The following IQCN variants were observed in gnomAD, a reference collection of about 807,000 sequenced individuals.
IQCN encodes the protein IQ motif containing N, also known as IQ domain-containing protein N.
A neutral mutation model predicts 64.4 loss-of-function variants in IQCN; 46 were observed. The observed-to-expected ratio is 0.71, with a 90% CI of 0.56 to 0.91. IQCN has a LOEUF of 0.91. Ranked by LOEUF, IQCN falls within the 40% of genes least tolerant of loss-of-function variation. The pLI is 0.00. For missense variants in IQCN, 1,753 were observed against 1,857.4 expected (o/e 0.94, Z 1.03); for synonymous variants, 733 against 775.6 (o/e 0.95, Z 0.91).
rs759644560 is a variant in IQCN at position 18,264,997 on chromosome 19, G to C, written c.2543C>G (p.Ser848Cys). 1.2e-6 allele frequency: 2 copies of C among 1,605,826 alleles called. No individual in the cohort carries two copies. Among genetic ancestry groups the C allele is most frequent in the Non-Finnish European group, 1.7e-6 (2 of 1,179,854 alleles). Residue 848 changes from serine to cysteine, a missense_variant, in exon 3 of 4, where the codon TCC becomes TGC. Coordinates refer to ENST00000392413, the MANE Select transcript of IQCN (RefSeq NM_001145304.2). This position sits in a 1 kb window ranked among gnomAD's most constrained non-coding sequence, Gnocchi z 4.3. ...ACGTGTGGCTCCGTTGTCTCCCCAGGACTCAACGTTGCATGTGGAATGGCC... is the reference window on the plus strand; with the variant it reads ...ACGTGTGGCTCCGTTGTCTCCCCAGCACTCAACGTTGCATGTGGAATGGCC... ...PTGHSTCNVE[S>C]WGDNGATRAQ...
chr19:18,263,587 G>A (rs1380639899), intron 3 of IQCN, among the ~76,000 whole-genome samples: 1 of 152,126 alleles, frequency 6.6e-6, no homozygotes, highest in Non-Finnish European at 1.5e-5. Flanking sequence ...AAGGGACTTG[G>A]GGCCCCCTTG....
intron 1 of IQCN, among the ~76,000 whole-genome samples, chr19:18,271,052 ATCCCAGCTACT>A (rs1789929002): frequency 1.3e-5 from 2 of 150,900 alleles, no homozygotes; most frequent in African/African-American, 4.9e-5. Flanking sequence ...TGCACCTGTA[ATCCCAGCTACT>A]TCAGAGGCTG....
At chr19:18,270,098 G>A (rs1446907217) in intron 1 of IQCN, among the ~76,000 whole-genome samples, 1 of 143,662 alleles carries the variant, frequency 7.0e-6, no homozygotes, top group Non-Finnish European at 1.5e-5. Context: ...CGTGGCTCAC[G>A]CCTGTAATTC....
Position 18,267,002 on chromosome 19 carries a change from G to T in IQCN, c.538C>A (p.Arg180Ser), listed in dbSNP as rs375616518. 5.6e-6 allele frequency: 9 copies of T among 1,614,096 alleles called. No homozygotes were observed. The African/African-American group carries it at 1.2e-4, about 22-fold the overall frequency. ...ACCATGATGGGCGGGGACAGAAGGC[G>T]GTTCTCTTCCGGATGCTGGAAGCGC... Reference protein sequence around the residue: ...QVRFQHPEENRLLSPPIMVNK... With the variant: ...QVRFQHPEENSLLSPPIMVNK... Residue 180 changes from arginine to serine, a missense_variant, in exon 3 of 4, where the codon CGC becomes AGC. Arg to Ser is a moderately radical substitution (Grantham distance 110). Transcript: ENST00000392413.
Position 18,266,843 on chromosome 19 carries a change from G to A in IQCN, c.697C>T (p.Arg233Trp), listed in dbSNP as rs149351876. Residue 233 changes from arginine to tryptophan, a missense_variant, in exon 3 of 4, where the codon CGG (arginine) becomes TGG (tryptophan). Transcript: ENST00000392413. The surrounding 1 kb of genome is among the most constrained non-coding windows in gnomAD (Gnocchi z 4.3). ...CVQGPHAARV[R>W]GLAFLPHQTV... ...TGGTGTGGCAGGAAGGCCAGCCCCCGGACTCTGGCAGCATGAGGACCCTGC... is the reference window on the plus strand; with the variant it reads ...TGGTGTGGCAGGAAGGCCAGCCCCCAGACTCTGGCAGCATGAGGACCCTGC... 1.2e-5 allele frequency: 19 copies of A among 1,613,834 alleles called. No homozygotes were observed. The highest frequency in any genetic ancestry group is 1.6e-4 in the Middle Eastern group (1 of 6,082).
intron 3 of IQCN, chr19:18,260,609 G>C (rs1368471340): frequency 6.5e-6 from 1 of 153,062 alleles, no homozygotes; most frequent in African/African-American, 2.4e-5. Flanking sequence ...CTAGGCTGGA[G>C]GCTAGGGTAC....
intron 3 of IQCN, among the ~76,000 whole-genome samples, chr19:18,263,831 C>T (rs1002575833): frequency 6.6e-6 from 1 of 152,176 alleles, no homozygotes; most frequent in Non-Finnish European, 1.5e-5. Flanking sequence ...GAAGCCTACC[C>T]GAGGCCACCC....
intron 1 of IQCN, among the ~76,000 whole-genome samples, chr19:18,272,569 G>C (rs151331345): frequency 2.0e-5 from 3 of 151,818 alleles, no homozygotes; most frequent in African/African-American, 7.3e-5. Flanking sequence ...TATCCCTAAT[G>C]CCTCACCAGC....
chr19:18,258,210 G>C (rs1969356321), intron 3 of IQCN, 104 bp from the exon 4 acceptor site: 8 of 1,276,308 alleles, frequency 6.3e-6, no homozygotes, highest in Non-Finnish European at 7.8e-6. Context: ...AAAAAGGGGT[G>C]GCAGGGAACC....
At chr19:18,263,618 C>CG (rs1334967225) in intron 3 of IQCN, among the ~76,000 whole-genome samples, 3 of 152,008 alleles carry the variant, frequency 2.0e-5, no homozygotes, top group African/African-American at 4.8e-5. Context: ...CCCTAGTACC[C>CG]GGGGGGGCCT....
chr19:18,269,856 G>A (rs529774781), intron 1 of IQCN, among the ~76,000 whole-genome samples: 1 of 151,938 alleles, frequency 6.6e-6, no homozygotes, highest in Non-Finnish European at 1.5e-5. Context: ...AAAACTGGAA[G>A]AAACCAAAAT....
In IQCN at chr19:18,266,437, G is replaced by A. The variant is rs764068793; in HGVS notation, c.1103C>T (p.Pro368Leu). 3.2e-6 allele frequency: 5 copies of A among 1,585,986 alleles called. No individual in the cohort carries two copies. In the South Asian group the frequency reaches 5.8e-5, roughly 18 times the overall value. Residue 368 changes from proline to leucine, a missense_variant, in exon 3 of 4, where the codon CCA (proline) becomes CTA (leucine). Pro to Leu is a moderately conservative substitution (Grantham distance 98). Transcript: ENST00000392413. This position sits in a 1 kb window ranked among gnomAD's most constrained non-coding sequence, Gnocchi z 4.3. Reference sequence around the variant, plus strand: ...CTTGATTATTGTTACTTTGGGAACTGGGCTAGTCTTGGGTGGGGTGGTGGT... The same window carrying A: ...CTTGATTATTGTTACTTTGGGAACTAGGCTAGTCTTGGGTGGGGTGGTGGT... ...TMTTTPPKTSPVPKVTIIKTP... is the reference protein window; with the variant it reads ...TMTTTPPKTSLVPKVTIIKTP...
chr19:18,265,072 G>C lies in IQCN; in HGVS notation c.2468C>G (p.Pro823Arg), dbSNP rs12608777. ...CATACCCTGGACCTCACAGGCTGCC[G>C]GGCATGGTCCCCCCTGAGTGGTCTT... ...PGKTTQGGPCPAACEVQGMLV... is the reference protein window; with the variant it reads ...PGKTTQGGPCRAACEVQGMLV... The change falls in exon 3 of 4, where the codon CCG becomes CGG. Residue 823 changes from proline (P) to arginine (R), a missense_variant. Coordinates refer to ENST00000392413, the MANE Select transcript of IQCN (RefSeq NM_001145304.2). The surrounding 1 kb of genome is among the most constrained non-coding windows in gnomAD (Gnocchi z 4.7). 0.15 allele frequency: 234,393 copies of C among 1,601,224 alleles called. 18,696 individuals carry two copies. Among genetic ancestry groups the C allele is most frequent in the East Asian group, 0.29 (13,160 of 44,864 alleles).
At position 18,265,327 on chromosome 19, in the gene IQCN, C is replaced by A. The variant is rs761164049; in HGVS notation, c.2213G>T (p.Cys738Phe). 6.2e-7 allele frequency: 1 copy of A among 1,614,158 alleles called. No individual in the cohort carries two copies. Among genetic ancestry groups the A allele is most frequent in the Non-Finnish European group, 8.5e-7 (1 of 1,180,034 alleles). ...KVQSQAPLAT[C>F]LTKTQSRGQP... ...CCCCCGGGACTGCGTCTTGGTCAGA[C>A]AGGTGGCTAGAGGCGCTTGGGACTG... The change falls in exon 3 of 4, where the codon TGT becomes TTT. Residue 738 changes from cysteine (C) to phenylalanine (F), a missense_variant. Physicochemically the swap from Cys to Phe is radical, Grantham distance 205 (BLOSUM62 -2). Coordinates refer to ENST00000392413, the MANE Select transcript of IQCN (RefSeq NM_001145304.2). This position sits in a 1 kb window ranked among gnomAD's most constrained non-coding sequence, Gnocchi z 4.7.
chr19:18,259,677 C>T (rs1278618132), intron 3 of IQCN: 1 of 152,282 alleles, frequency 6.6e-6, no homozygotes, highest in East Asian at 1.9e-4. Context: ...CTGCTGGTAA[C>T]TGGGTGGGAC....
rs776575469 is a variant in IQCN at position 18,264,996 on chromosome 19, G to A, written c.2544C>T (p.Ser848=). 1 of 1,605,916 alleles carries A rather than the reference G, an allele frequency of 6.2e-7. No individual in the cohort carries two copies. Among genetic ancestry groups the A allele is most frequent in the East Asian group, 2.2e-5 (1 of 44,878 alleles). The change falls in exon 3 of 4, where the codon TCC becomes TCT. Residue 848 remains serine, a synonymous_variant. Transcript: ENST00000392413. The surrounding 1 kb of genome is among the most constrained non-coding windows in gnomAD (Gnocchi z 4.3). ...CACGTGTGGCTCCGTTGTCTCCCCAGGACTCAACGTTGCATGTGGAATGGC... is the reference window on the plus strand; with the variant it reads ...CACGTGTGGCTCCGTTGTCTCCCCAAGACTCAACGTTGCATGTGGAATGGC... ...PTGHSTCNVE[S]WGDNGATRAQ... is the part of the protein sequence containing the mutation.
chr19:18,265,765 A>C lies in IQCN; in HGVS notation c.1775T>G (p.Val592Gly). Residue 592 changes from valine to glycine, a missense_variant, in exon 3 of 4, where the codon GTC (valine) becomes GGC (glycine). Val to Gly is a moderately radical substitution (Grantham distance 109, BLOSUM62 -3). Transcript: ENST00000392413. This position sits in a 1 kb window ranked among gnomAD's most constrained non-coding sequence, Gnocchi z 4.7. ...AGGAAGCTCAGCTGCAGCCCTGGGGACCCCAGTTCCCGGATGTGGTTGAGC... is the reference window on the plus strand; with the variant it reads ...AGGAAGCTCAGCTGCAGCCCTGGGGCCCCCAGTTCCCGGATGTGGTTGAGC... ...CLAQPHPGTG[V>G]PRAAAELPLE... 1 of 1,613,696 alleles carries C rather than the reference A, an allele frequency of 6.2e-7. No individual in the cohort carries two copies.
Position 18,265,001 on chromosome 19 carries a change from C to T in IQCN, c.2539G>A (p.Glu847Lys). The change falls in exon 3 of 4, where the codon GAG (glutamate) becomes AAG (lysine). Residue 847 changes from glutamate (E) to lysine (K), a missense_variant. Coordinates refer to ENST00000392413, the MANE Select transcript of IQCN (RefSeq NM_001145304.2). The surrounding 1 kb of genome is among the most constrained non-coding windows in gnomAD (Gnocchi z 4.7). ...GTGGCTCCGTTGTCTCCCCAGGACT[C>T]AACGTTGCATGTGGAATGGCCGGTG... ...APTGHSTCNV[E>K]SWGDNGATRA... The T allele has an allele frequency of 6.2e-7, 1 of 1,605,470 alleles. No homozygotes were observed. Among genetic ancestry groups the T allele is most frequent in the Non-Finnish European group, 8.5e-7 (1 of 1,179,858 alleles).
rs139076622 is a variant in IQCN, at chr19:18,267,154, G to A, written c.386C>T (p.Ala129Val). The change falls in exon 3 of 4, where the codon GCG becomes GTG. Residue 129 changes from alanine to valine, a missense_variant. By Grantham distance (64) the Ala-to-Val change is moderately conservative (BLOSUM62 0). Transcript: ENST00000392413. ...LRQKLISQMM[A>V]AKAIQEAWRR... ...CCAGGCCTCCTGGATGGCCTTGGCCGCCATCATCTGGGAAATCAGCTTCTG... is the reference window on the plus strand; with the variant it reads ...CCAGGCCTCCTGGATGGCCTTGGCCACCATCATCTGGGAAATCAGCTTCTG... 1.9e-5 allele frequency: 31 copies of A among 1,614,122 alleles called. No individual in the cohort carries two copies. Among genetic ancestry groups the A allele is most frequent in the South Asian group, 1.4e-4 (13 of 91,092 alleles).
Sources: allele counts gnomAD v4.1 joint callset (sites outside exome capture counted in the v4.1 genomes callset), GRCh38; gene constraint gnomAD v4.1.1; non-coding constraint Gnocchi (gnomAD v3.1); transcripts MANE v1.5; gene names NCBI Gene and HGNC (gene_info 2026-07-23, HGNC 2026-07-21).